POLR3C: variants seen among roughly 807,000 people sequenced by gnomAD.
POLR3C encodes DNA-directed RNA polymerase III subunit RPC3.
In POLR3C, 44 loss-of-function variants were observed where a neutral mutation model predicts 65.9. The ratio of observed to expected loss-of-function variants is 0.67; its 90% CI spans 0.52 to 0.86. POLR3C has a LOEUF of 0.86. Among genes scored for constraint, POLR3C ranks in the 40% least tolerant of loss-of-function variants. The pLI is 0.00. For synonymous variants in POLR3C, 263 were observed against 231.6 expected (o/e 1.14, Z -1.23); for missense variants, 576 against 653.2 (o/e 0.88, Z 1.29).
At chr1:145,838,722 G>C (rs1383771236) in intron 11 of POLR3C, among the ~76,000 whole-genome samples, 1 of 151,928 alleles carries the variant, frequency 6.6e-6, no homozygotes. Context: ...AAAAGAGGCA[G>C]AGCCAGGACA....
chr1:145,830,132 G>A (rs1016260299), intron 5 of POLR3C, among the ~76,000 whole-genome samples: 5 of 151,654 alleles, frequency 3.3e-5, no homozygotes, highest in African/African-American at 7.3e-5. Context: ...TTATACTTAC[G>A]TGCATTTTTC....
At chr1:145,829,730 C>G (rs1553726683) in intron 5 of POLR3C, among the ~76,000 whole-genome samples, 1 of 152,166 alleles carries the variant, frequency 6.6e-6, no homozygotes, top group Non-Finnish European at 1.5e-5. Context: ...GACTTTATCT[C>G]TTAAACATGT....
intron 13 of POLR3C, among the ~76,000 whole-genome samples, chr1:145,840,652 T>C (rs1390883609): frequency 6.6e-6 from 1 of 152,246 alleles, no homozygotes; most frequent in Non-Finnish European, 1.5e-5. Context: ...TCTACACTTT[T>C]CTAACATGCT....
intron 7 of POLR3C, among the ~76,000 whole-genome samples, chr1:145,834,888 C>G (rs375140174): frequency 1.3e-5 from 2 of 151,950 alleles, no homozygotes; most frequent in South Asian, 2.1e-4. Context: ...ACTTGTAATC[C>G]TAGAACTTTG....
intron 13 of POLR3C, chr1:145,840,434 G>A (rs1308417478): frequency 5.0e-6 from 2 of 399,946 alleles, no homozygotes; most frequent in African/African-American, 4.1e-5. Flanking sequence ...CAGCTACTCG[G>A]GAGGCTAAGG....
In POLR3C at chr1:145,843,130, G is replaced by A. The variant is rs1373164229; in HGVS notation, c.*710G>A. ...AAATTATTTTCAGGGTTAGCAGGTG[G>A]ATTGTCCCAAGCAGTCACACTAGAA... is the stretch of plus-strand genomic sequence containing the variant. On this transcript the variant is annotated 3_prime_UTR_variant, in exon 15 of 15. Transcript: ENST00000334163. 6.6e-6 allele frequency among the ~76,000 whole-genome samples: 1 copy of A among 152,152 alleles called. No homozygotes were observed. Among genetic ancestry groups the A allele is most frequent in the Admixed American group, 6.5e-5 (1 of 15,274 alleles).
intron 4 of POLR3C, among the ~76,000 whole-genome samples, chr1:145,827,967 G>T (rs1169461562): frequency 6.7e-6 from 1 of 150,158 alleles, no homozygotes; most frequent in Non-Finnish European, 1.5e-5. Context: ...ACGAGAGACG[G>T]GATTCATCTG....
In POLR3C at chr1:145,841,063, T is replaced by C; in HGVS notation, c.1515T>C (p.Asn505=). The part of the protein sequence containing the change: ...ERQQLETLKR[N]VNKLDASEIQ... ...AGCAGCTAGAGACCCTGAAACGTAA[T>C]GTCAACAAGTAAGCATCATAAACTT... is the stretch of plus-strand genomic sequence containing the variant. The change falls in exon 14 of 15, where the codon AAT becomes AAC. Residue 505 remains asparagine, a synonymous_variant. Transcript: ENST00000334163. 1 of 1,613,602 alleles carries C rather than the reference T, an allele frequency of 6.2e-7. No homozygotes were observed. The highest frequency in any genetic ancestry group is 1.3e-5 in the African/African-American group (1 of 75,028).
intron 7 of POLR3C, among the ~76,000 whole-genome samples, chr1:145,836,119 CTTTTTTT>C (rs77530377): frequency 7.5e-6 from 1 of 133,220 alleles, no homozygotes; most frequent in African/African-American, 2.7e-5. Flanking sequence ...AAAATTAAAA[CTTTTTTT>C]TTTTTTTTTT....
intron 8 of POLR3C, 32 bp from the exon 9 acceptor site, chr1:145,836,783 G>T (rs782111141): frequency 2.8e-6 from 4 of 1,452,784 alleles, no homozygotes; most frequent in East Asian, 2.3e-5. Context: ...TGGACTTTCC[G>T]TTCAGTTAAC....
chr1:145,824,447 AG>A, intron 1 of POLR3C, 78 bp downstream of exon 1: 2 of 796,218 alleles, frequency 2.5e-6, no homozygotes, highest in Non-Finnish European at 3.7e-6. Context: ...ACCTGTGTAA[AG>A]GAAGTGTAGA....
rs1209505127 is a variant in POLR3C at position 145,841,067 on chromosome 1, A to G, written c.1519A>G (p.Asn507Asp). 5 of 1,613,446 alleles carry G rather than the reference A, an allele frequency of 3.1e-6. No individual in the cohort carries two copies. The highest frequency in any genetic ancestry group is 3.4e-6 in the Non-Finnish European group (4 of 1,179,534). ...QQLETLKRNV[N>D]KLDASEIQVD... ...GCTAGAGACCCTGAAACGTAATGTC[A>G]ACAAGTAAGCATCATAAACTTCAGA... The change falls in exon 14 of 15, where the codon AAC (asparagine) becomes GAC (aspartate). Residue 507 changes from asparagine to aspartate, a missense_variant. Transcript: ENST00000334163.
At position 145,842,466 on chromosome 1, in the gene POLR3C, A is replaced by G; in HGVS notation, c.*46A>G. 2 of 1,269,900 alleles carry G rather than the reference A, an allele frequency of 1.6e-6. No homozygotes were observed. Among genetic ancestry groups the G allele is most frequent in the Non-Finnish European group, 2.3e-6 (2 of 868,042 alleles). 78.7% of individuals were successfully genotyped at this position (1,269,900 alleles called of 1,614,324 possible). A position where few individuals can be genotyped will look rare whatever the true frequency, so the allele number is the denominator to read the frequency against. ...CAGAAGATCTGGGGGGATGGAAAGC[A>G]AAATAAAGGAGGTGCCTGGATGCAT... is the stretch of plus-strand genomic sequence containing the variant. On this transcript the variant is annotated 3_prime_UTR_variant, in exon 15 of 15. Transcript: ENST00000334163.
intron 1 of POLR3C, among the ~76,000 whole-genome samples, chr1:145,825,424 T>C (rs587658795): frequency 6.6e-6 from 1 of 152,338 alleles, no homozygotes; most frequent in East Asian, 1.9e-4. Flanking sequence ...ATGAATAATT[T>C]TCTACATGAA....
chr1:145,824,603 A>G, intron 1 of POLR3C: 2 of 1,004,954 alleles, frequency 2.0e-6, no homozygotes, highest in Non-Finnish European at 2.7e-6. Flanking sequence ...TTGGCTTCTT[A>G]GGAATTGGAA....
chr1:145,843,845 C>T lies in POLR3C; in HGVS notation c.*1425C>T, dbSNP rs920098505. Among the ~76,000 whole-genome samples, 5 of 152,070 alleles carry T rather than the reference C, an allele frequency of 3.3e-5. No individual in the cohort carries two copies. Among genetic ancestry groups the T allele is most frequent in the African/African-American group, 1.2e-4 (5 of 41,390 alleles). ...TCAAACAATAGCAAAAAGAACAATC[C>T]AACTTAAAAATGGCCAAAAGATCTT... On this transcript the variant is annotated 3_prime_UTR_variant, in exon 15 of 15. Transcript: ENST00000334163.
chr1:145,825,299 GA>G (rs1371805834), intron 1 of POLR3C, among the ~76,000 whole-genome samples: 1 of 152,038 alleles, frequency 6.6e-6, no homozygotes, highest in Non-Finnish European at 1.5e-5. Flanking sequence ...TTTTAGTAGA[GA>G]AGGGGTTTCA....
rs931509735 is a variant in POLR3C at position 145,843,859 on chromosome 1, C to A, written c.*1439C>A. 6.6e-6 allele frequency among the ~76,000 whole-genome samples: 1 copy of A among 152,068 alleles called. No individual in the cohort carries two copies. The highest frequency in any genetic ancestry group is 2.4e-5 in the African/African-American group (1 of 41,410). ...AAAGAACAATCCAACTTAAAAATGG[C>A]CAAAAGATCTTAATAGGTAGTTTTC... is the stretch of plus-strand genomic sequence containing the variant. On this transcript the variant is annotated 3_prime_UTR_variant, in exon 15 of 15. Coordinates refer to ENST00000334163, the MANE Select transcript of POLR3C (RefSeq NM_006468.8).
intron 1 of POLR3C, 145 bp from the exon 2 acceptor site, chr1:145,825,612 G>T: frequency 1.9e-6 from 1 of 521,130 alleles, no homozygotes. Flanking sequence ...AGAAATTGTT[G>T]TTTCAAAGAT....
Sources: allele counts gnomAD v4.1 joint callset (sites outside exome capture counted in the v4.1 genomes callset), GRCh38; gene constraint gnomAD v4.1.1; transcripts MANE v1.5; gene names NCBI Gene and HGNC (gene_info 2026-07-23, HGNC 2026-07-21).